The following MUC20 variants were observed in gnomAD, a reference collection of about 807,000 sequenced individuals.
MUC20 encodes the protein mucin 20, cell surface associated.
In MUC20, 14 loss-of-function variants were observed where a neutral mutation model predicts 23.8. That is an observed-to-expected ratio of 0.59 (90% CI 0.39 to 0.92). The LOEUF is 0.92. MUC20 is among the 40% of genes least tolerant of loss of function. MUC20 has a pLI of 0.00. For missense variants in MUC20, 375 were observed against 668.8 expected, an observed-to-expected ratio of 0.56 and a Z score of 4.85; for synonymous variants, 166 against 279.3, an observed-to-expected ratio of 0.59 and a Z score of 4.04.
chr3:195,732,113 C>T (rs144552317), intron 3 of MUC20, among the ~76,000 whole-genome samples: 1 of 152,352 alleles, frequency 6.6e-6, no homozygotes, highest in African/African-American at 2.4e-5. Flanking sequence ...AAGCCATTCT[C>T]CTGCCTCAAC....
intron 3 of MUC20, among the ~76,000 whole-genome samples, chr3:195,730,641 C>T (rs1334890038): frequency 6.6e-6 from 1 of 152,178 alleles, no homozygotes; most frequent in African/African-American, 2.4e-5. Flanking sequence ...TGAGCCACCG[C>T]ACCCGGCCCC....
chr3:195,729,608 G>T (rs779308539), intron 2 of MUC20, 40 bp from the exon 3 acceptor site: 1 of 1,539,810 alleles, frequency 6.5e-7, no homozygotes, highest in Non-Finnish European at 8.8e-7. Context: ...GAGCCACTGC[G>T]CCCAGCCCTG....
At chr3:195,723,504 G>T (rs141139258) in intron 1 of MUC20, among the ~76,000 whole-genome samples, 5 of 115,898 alleles carry the variant, frequency 4.3e-5, no homozygotes, top group African/African-American at 2.0e-4. Context: ...TAAAACACAG[G>T]GCATCCAGTT....
chr3:195,723,693 C>G, intron 1 of MUC20, among the ~76,000 whole-genome samples: 1 of 47,014 alleles, frequency 2.1e-5, no homozygotes, highest in Non-Finnish European at 4.2e-5. Flanking sequence ...GCTCCTTGGC[C>G]CACTCACAGG....
At position 195,733,194 on chromosome 3, in the gene MUC20, C is replaced by G. The variant is rs766785354; in HGVS notation, c.2106C>G (p.Ser702=). The G allele has an allele frequency of 6.3e-7, 1 of 1,595,018 alleles. No individual in the cohort carries two copies. Among genetic ancestry groups the G allele is most frequent in the Non-Finnish European group, 8.5e-7 (1 of 1,171,706 alleles). The change falls in exon 4 of 4, where the codon TCC becomes TCG. Residue 702 remains serine (S), a synonymous_variant. Coordinates refer to ENST00000447234, the MANE Select transcript of MUC20 (RefSeq NM_001282506.2). ...CCCACGCGCCTCACTTCCAGGTCTCCTTACTGCGTGTCAGGAGAGGCTAAC... is the reference window on the plus strand; with the variant it reads ...CCCACGCGCCTCACTTCCAGGTCTCGTTACTGCGTGTCAGGAGAGGCTAAC... ...LHAHAPHFQV[S]LLRVRRG
rs1713165495 is a variant in MUC20 at position 195,729,728 on chromosome 3, C to T, written c.2050C>T (p.Leu684=). 1 of 1,596,298 alleles carries T rather than the reference C, an allele frequency of 6.3e-7. No individual in the cohort carries two copies. Among genetic ancestry groups the T allele is most frequent in the Non-Finnish European group, 8.5e-7 (1 of 1,170,882 alleles). The change falls in exon 3 of 4, where the codon CTG becomes TTG. Residue 684 remains leucine (L), a synonymous_variant. Coordinates refer to ENST00000447234, the MANE Select transcript of MUC20 (RefSeq NM_001282506.2). ...DLTDPRVAER[L]MQQLHRELHA... ...CACTGACCCCAGAGTGGCAGAAAGG[C>T]TGATGCAGCAGGTGAGTGGGCACTT...
At chr3:195,723,603 C>G (rs1248125064) in intron 1 of MUC20, among the ~76,000 whole-genome samples, 13 of 109,084 alleles carry the variant, frequency 1.2e-4, no homozygotes, top group Non-Finnish European at 2.3e-4. Flanking sequence ...AGTTATTCGT[C>G]GTTTATCTGA....
chr3:195,722,906 C>T, intron 1 of MUC20: 1 of 581,608 alleles, frequency 1.7e-6, no homozygotes, highest in Non-Finnish European at 2.2e-6. Context: ...GGGGTGCAGC[C>T]CGCACTCCTC....
chr3:195,730,511 A>C (rs1713278242), intron 3 of MUC20, among the ~76,000 whole-genome samples: 2 of 148,966 alleles, frequency 1.3e-5, no homozygotes, highest in Non-Finnish European at 3.0e-5. Flanking sequence ...ACGCCCAACT[A>C]ATTTTTATGT....
intron 2 of MUC20, among the ~76,000 whole-genome samples, chr3:195,726,797 T>C (rs1398647621): frequency 6.6e-6 from 1 of 152,266 alleles, no homozygotes; most frequent in Non-Finnish European, 1.5e-5. Context: ...AGAAATGGTT[T>C]GCGGTCTCGG....
chr3:195,732,102 C>T (rs545797722), intron 3 of MUC20, among the ~76,000 whole-genome samples: 1 of 152,360 alleles, frequency 6.6e-6, no homozygotes, highest in South Asian at 2.1e-4. Context: ...CTCCCAGGTT[C>T]AAGCCATTCT....
At chr3:195,729,074 A>C (rs944145789) in intron 2 of MUC20, among the ~76,000 whole-genome samples, 1 of 152,280 alleles carries the variant, frequency 6.6e-6, no homozygotes, top group Non-Finnish European at 1.5e-5. Flanking sequence ...TGACAGTCTG[A>C]TCGCTCCTTC....
Position 195,726,495 on chromosome 3 carries a change from C to T in MUC20, c.1892C>T (p.Ser631Leu), listed in dbSNP as rs1712688871. ...TNSTLAKITT[S>L]AKTTMKPPTA... ...AGCACCTTAGCCAAGATCACAACCT[C>T]AGCGAAGACCACGATGAAGCCCCCA... Residue 631 changes from serine (S) to leucine (L), a missense_variant, in exon 2 of 4, where the codon TCA (serine) becomes TTA (leucine). By Grantham distance (145) the Ser-to-Leu change is moderately radical. Around this residue, in one of 4 missense-constraint regions of MUC20, gnomAD observed 343 missense variants for 340.2 expected, o/e 1.01. Transcript: ENST00000447234. 1.9e-6 allele frequency: 3 copies of T among 1,614,068 alleles called. No individual in the cohort carries two copies. The highest frequency in any genetic ancestry group is 2.5e-6 in the Non-Finnish European group (3 of 1,179,896).
chr3:195,731,298 C>G (rs1713364811), intron 3 of MUC20, among the ~76,000 whole-genome samples: 1 of 152,250 alleles, frequency 6.6e-6, no homozygotes, highest in Non-Finnish European at 1.5e-5. Flanking sequence ...GGCAGAGATG[C>G]TGGCTGGGGG....
chr3:195,730,334 T>TTTCTTTTTCTTTC (rs1713252271), intron 3 of MUC20, among the ~76,000 whole-genome samples: 2 of 152,270 alleles, frequency 1.3e-5, no homozygotes, highest in Admixed American at 6.5e-5. Flanking sequence ...TCTTTTCTTT[T>TTTCTTTTTCTTTC]TTCTTTTTCT....
chr3:195,731,053 G>A (rs1713336438), intron 3 of MUC20, among the ~76,000 whole-genome samples: 1 of 152,242 alleles, frequency 6.6e-6, no homozygotes, highest in Non-Finnish European at 1.5e-5. Context: ...AAGTGTCTAA[G>A]CTCTGCTCAC....
Position 195,725,880 on chromosome 3 carries a change from T to G in MUC20, c.1277T>G (p.Ile426Ser), listed in dbSNP as rs1712567798. The G allele has an allele frequency of 6.2e-7, 1 of 1,609,114 alleles. No individual in the cohort carries two copies. Among genetic ancestry groups the G allele is most frequent in the Non-Finnish European group, 8.5e-7 (1 of 1,177,138 alleles). ...VTNIEVINCS[I>S]TEIETTTSSI... is the part of the protein sequence containing the mutation. ...AACATCGAGGTTATTAATTGCAGCATCACAGAAATAGAAACAACGACTTCC... is the reference window on the plus strand; with the variant it reads ...AACATCGAGGTTATTAATTGCAGCAGCACAGAAATAGAAACAACGACTTCC... Residue 426 changes from isoleucine (I) to serine (S), a missense_variant, in exon 2 of 4, where the codon ATC becomes AGC. Ile to Ser is a moderately radical substitution (Grantham distance 142, BLOSUM62 -2). Around this residue, in one of 4 missense-constraint regions of MUC20, gnomAD observed 17 missense variants for 71.0 expected, o/e 0.24. Coordinates refer to ENST00000447234, the MANE Select transcript of MUC20 (RefSeq NM_001282506.2).
Position 195,729,656 on chromosome 3 carries a change from G to A in MUC20, c.1978G>A (p.Gly660Arg), listed in dbSNP as rs1195635499. 6.3e-7 allele frequency: 1 copy of A among 1,581,678 alleles called. No individual in the cohort carries two copies. The highest frequency in any genetic ancestry group is 1.3e-5 in the African/African-American group (1 of 74,170). ...PTTDVSAGEN[G>R]GFLLLRLSVA... is the part of the protein sequence containing the mutation. ...CTGTTCTCCATTTGCAGGTGAAAAT[G>A]GAGGTTTCCTCCTCCTGCGGCTGAG... Residue 660 changes from glycine (G) to arginine (R), a missense_variant, in exon 3 of 4, where the codon GGA becomes AGA. By Grantham distance (125) the Gly-to-Arg change is moderately radical (BLOSUM62 -2). This residue lies in a region of MUC20 where 343 missense variants were observed against 340.2 expected (regional missense o/e 1.01). Coordinates refer to ENST00000447234, the MANE Select transcript of MUC20 (RefSeq NM_001282506.2).
Position 195,726,055 on chromosome 3 carries a change from C to T in MUC20, c.1452C>T (p.Ala484=), listed in dbSNP as rs376246962. The change falls in exon 2 of 4, where the codon GCC becomes GCT. Residue 484 remains alanine (A), a synonymous_variant. Transcript: ENST00000447234. ...VTASAETLST[A]GTTESAAPDA... ...CCTCTGCCGAGACCCTGTCCACAGCCGGCACCACAGAGTCAGCTGCACCTG... is the reference window on the plus strand; with the variant it reads ...CCTCTGCCGAGACCCTGTCCACAGCTGGCACCACAGAGTCAGCTGCACCTG... The T allele has an allele frequency of 2.2e-5, 36 of 1,613,776 alleles. No homozygotes were observed. The highest frequency in any genetic ancestry group is 1.6e-4 in the East Asian group (7 of 44,892).
Sources: gnomAD v4.1 joint callset for allele counts (sites outside exome capture counted in the v4.1 genomes callset) on GRCh38, gnomAD v4.1.1 for gene constraint, gnomAD v4.1.1 regional missense constraint, MANE v1.5 for transcripts, NCBI Gene and HGNC (gene_info 2026-07-23, HGNC 2026-07-21) for gene names.